Variants in ZNF300 observed in about 807,000 individuals in gnomAD.
The protein encoded by ZNF300 is zinc finger protein 300.
In ZNF300, 6 loss-of-function variants were observed where a neutral mutation model predicts 13.9. That is an observed-to-expected ratio of 0.43 (90% CI 0.24 to 0.85). ZNF300 has a LOEUF of 0.85. ZNF300 is among the 40% of genes least tolerant of loss of function. The pLI is 0.25. For missense variants in ZNF300, 662 were observed against 714.2 expected, an observed-to-expected ratio of 0.93 and a Z score of 0.83; for synonymous variants, 237 against 242.2, an observed-to-expected ratio of 0.98 and a Z score of 0.20.
At chr5:150,900,936 A>G (rs903604482) in intron 3 of ZNF300, among the ~76,000 whole-genome samples, 2 of 152,104 alleles carry the variant, frequency 1.3e-5, no homozygotes, top group African/African-American at 4.8e-5. Flanking sequence ...AATTTTGAGG[A>G]AAATATAGTA....
In ZNF300 at chr5:150,896,947, G is replaced by T. The variant is rs1754812334; in HGVS notation, c.292C>A (p.Gln98Lys). ...QDRKSNLHNS[Q>K]SCILGTVSFH... is the part of the protein sequence containing the mutation. ...GAAACTGTCCCCAAAATACATGACT[G>T]GGAGTTGTGAAGGTTACTCTTCCTG... is the stretch of plus-strand genomic sequence containing the variant. Residue 98 changes from glutamine to lysine, a missense_variant, in exon 6 of 6, where the codon CAG (glutamine) becomes AAG (lysine). Physicochemically the swap from Gln to Lys is moderately conservative, Grantham distance 53. Transcript: ENST00000274599. The T allele has an allele frequency of 1.9e-6, 3 of 1,612,010 alleles. No homozygotes were observed. In the African/African-American group the frequency reaches 4.0e-5, roughly 22 times the overall value.
At chr5:150,902,861 T>G (rs78514223) in intron 3 of ZNF300, among the ~76,000 whole-genome samples, 1 of 152,308 alleles carries the variant, frequency 6.6e-6, no homozygotes, top group Middle Eastern at 3.4e-3. Flanking sequence ...CTTATATGGC[T>G]AGAAACATTT....
At chr5:150,898,956 G>T (rs1754898272) in intron 3 of ZNF300, among the ~76,000 whole-genome samples, 1 of 152,018 alleles carries the variant, frequency 6.6e-6, no homozygotes, top group Non-Finnish European at 1.5e-5. Flanking sequence ...TGGAAACAGG[G>T]TCATTGCAGA....
Position 150,896,768 on chromosome 5 carries a change from A to G in ZNF300, c.471T>C (p.Thr157=), listed in dbSNP as rs112939441. ...QVTFVNSKTV[T]EASGHKYNPL... is the part of the protein sequence containing the mutation. ...GATTATATTTATGCCCTGATGCCTC[A>G]GTCACTGTTTTGCTGTTAACAAATG... The change falls in exon 6 of 6, where the codon ACT becomes ACC. Residue 157 remains threonine, a synonymous_variant. Coordinates refer to ENST00000274599, the MANE Select transcript of ZNF300 (RefSeq NM_052860.4). 1 of 1,613,830 alleles carries G rather than the reference A, an allele frequency of 6.2e-7. No homozygotes were observed.
intron 3 of ZNF300, among the ~76,000 whole-genome samples, chr5:150,901,999 T>C (rs1329623186): frequency 6.6e-6 from 1 of 152,172 alleles, no homozygotes; most frequent in African/African-American, 2.4e-5. Flanking sequence ...ACATTTGTAC[T>C]TCTACATATA....
rs143725595 is a variant in ZNF300 at position 150,896,549 on chromosome 5, A to G, written c.690T>C (p.Asn230=). 2.1e-4 allele frequency: 340 copies of G among 1,613,720 alleles called. 3 individuals are homozygous for G. The African/African-American group carries it at 3.9e-3, about 19-fold the overall frequency. ...KSSSQSEPNS[N]LEKIHNGVIP... is the part of the protein sequence containing the mutation. Reference sequence around the variant, plus strand: ...TTACTCCATTGTGAATCTTCTCAAGATTAGAATTGGGCTCACTCTGGCTAG... The same window carrying G: ...TTACTCCATTGTGAATCTTCTCAAGGTTAGAATTGGGCTCACTCTGGCTAG... Residue 230 remains asparagine (N), a synonymous_variant, in exon 6 of 6, where the codon AAT becomes AAC. Transcript: ENST00000274599.
At position 150,896,709 on chromosome 5, in the gene ZNF300, G is replaced by T. The variant is rs756148825; in HGVS notation, c.530C>A (p.Thr177Lys). Residue 177 changes from threonine to lysine, a missense_variant, in exon 6 of 6, where the codon ACA (threonine) becomes AAA (lysine). By Grantham distance (78) the Thr-to-Lys change is moderately conservative. Coordinates refer to ENST00000274599, the MANE Select transcript of ZNF300 (RefSeq NM_052860.4). ...LGKIFQECIETDISIQRFHKY... is the reference protein window; with the variant it reads ...LGKIFQECIEKDISIQRFHKY... Reference sequence around the variant, plus strand: ...ATGGAATCTCTGTATTGATATATCTGTTTCTATGCACTCTTGAAATATTTT... The same window carrying T: ...ATGGAATCTCTGTATTGATATATCTTTTTCTATGCACTCTTGAAATATTTT... 2 of 1,613,376 alleles carry T rather than the reference G, an allele frequency of 1.2e-6. No individual in the cohort carries two copies.
rs767774099 is a variant in ZNF300, at chr5:150,896,827, G to A, written c.412C>T (p.Leu138=). Residue 138 remains leucine (L), a synonymous_variant, in exon 6 of 6, where the codon CTA becomes TTA. Transcript: ENST00000274599. ...CTGAAGAGTTTGTCTTGATTCTCTA[G>A]AAATCTCTGCAGCTGACCATCACCT... ...CQGDGQLQRF[L]ENQDKLFRQV... 2 of 1,613,650 alleles carry A rather than the reference G, an allele frequency of 1.2e-6. No homozygotes were observed. The highest frequency in any genetic ancestry group is 2.2e-5 in the South Asian group (2 of 91,074).
chr5:150,895,783 T>TTC lies in ZNF300; in HGVS notation c.1454_1455dup (p.Thr486GlufsTer108), dbSNP rs1371025742. The TTC allele has an allele frequency of 6.2e-7, 1 of 1,613,596 alleles. No individual in the cohort carries two copies. The highest frequency in any genetic ancestry group is 8.5e-7 in the Non-Finnish European group (1 of 1,179,810). On this transcript the variant is annotated frameshift_variant, in exon 6 of 6. Coordinates refer to ENST00000274599, the MANE Select transcript of ZNF300 (RefSeq NM_052860.4). LOFTEE classifies it low-confidence loss of function (END_TRUNC). Reference sequence around the variant, plus strand: ...TTATAGGGTTTTTCTCCAGTATGTGTTCTCTGATGTATGATGAGCTGTGAC... The same window carrying TTC: ...TTATAGGGTTTTTCTCCAGTATGTGTTCTCTCTGATGTATGATGAGCTGTGAC...
chr5:150,897,488 C>T, intron 5 of ZNF300: 1 of 155,250 alleles, frequency 6.4e-6, no homozygotes, highest in Non-Finnish European at 1.4e-5. Flanking sequence ...AATTCCACTA[C>T]TCCCAATAAA....
chr5:150,897,582 A>G (rs1330664770), intron 5 of ZNF300: 1 of 158,350 alleles, frequency 6.3e-6, no homozygotes, highest in Non-Finnish European at 1.4e-5. Context: ...TTGTTCATAT[A>G]CTCTCTCTCC....
At chr5:150,897,818 G>A (rs1034873550) in intron 5 of ZNF300, 2 of 420,740 alleles carry the variant, frequency 4.8e-6, no homozygotes, top group Non-Finnish European at 8.3e-6. Flanking sequence ...GTTCTTGAAA[G>A]GAATTTGCCT....
Position 150,895,550 on chromosome 5 carries a change from G to C in ZNF300, c.1689C>G (p.Asp563Glu), listed in dbSNP as rs764334253. Residue 563 changes from aspartate to glutamate, a missense_variant, in exon 6 of 6, where the codon GAC becomes GAG. Coordinates refer to ENST00000274599, the MANE Select transcript of ZNF300 (RefSeq NM_052860.4). ...ECGKAFSQKS[D>E]LVLHQRIHTG... The stretch of plus-strand genomic sequence containing the variant: ...TATGAATCCTCTGATGTAAAACAAG[G>C]TCTGACTTCTGAGAAAAGGCCTTTC... 6.8e-6 allele frequency: 11 copies of C among 1,613,480 alleles called. No homozygotes were observed. In the South Asian group the frequency reaches 1.2e-4, roughly 18 times the overall value.
In ZNF300 at chr5:150,895,222, A is replaced by G; in HGVS notation, c.*202T>C. 2.0e-6 allele frequency: 1 copy of G among 491,374 alleles called. No homozygotes were observed. The highest frequency in any genetic ancestry group is 3.1e-5 in the East Asian group (1 of 32,522). The allele number at this position is 491,374 out of a possible 1,614,324, so 30.4% of individuals were successfully genotyped here. A position where few individuals can be genotyped will look rare whatever the true frequency, so the allele number is the denominator to read the frequency against. On this transcript the variant is annotated 3_prime_UTR_variant, in exon 6 of 6. Transcript: ENST00000274599. Reference sequence around the variant, plus strand: ...GAGTTCATAACTTTAAAAGCTTTACATGCCATATTAAAAATGTTCTTCATT... The same window carrying G: ...GAGTTCATAACTTTAAAAGCTTTACGTGCCATATTAAAAATGTTCTTCATT...
chr5:150,903,056 A>C, intron 3 of ZNF300, 85 bp downstream of exon 3: 2 of 1,392,140 alleles, frequency 1.4e-6, no homozygotes, highest in Non-Finnish European at 2.0e-6. Flanking sequence ...CTTTTCCTTC[A>C]TCCAGATTTT....
At chr5:150,897,026 G>A (rs970251157) in intron 5 of ZNF300, 53 bp from the exon 6 acceptor site, 3 of 1,407,088 alleles carry the variant, frequency 2.1e-6, no homozygotes, top group African/African-American at 2.9e-5. Context: ...CAATTAAGAG[G>A]GTAAAGAAGT....
At chr5:150,898,032 TA>T (rs1346699433) in intron 5 of ZNF300, 29 bp downstream of exon 5, 1 of 1,599,766 alleles carries the variant, frequency 6.3e-7, no homozygotes, top group South Asian at 1.1e-5. Flanking sequence ...ACCAATCAAT[TA>T]AAAAAACATA....
In ZNF300 at chr5:150,896,392, G is replaced by C. The variant is rs1234579570; in HGVS notation, c.847C>G (p.Gln283Glu). 6.2e-7 allele frequency: 1 copy of C among 1,613,636 alleles called. No individual in the cohort carries two copies. Among genetic ancestry groups the C allele is most frequent in the Non-Finnish European group, 8.5e-7 (1 of 1,179,824 alleles). Residue 283 changes from glutamine (Q) to glutamate (E), a missense_variant, in exon 6 of 6, where the codon CAA (glutamine) becomes GAA (glutamate). Transcript: ENST00000274599. ...TGAATTCTTTGATGTACAATGAGTT[G>C]TGACTTCTTAGCAAAGGCTTTTCCA... ...TCGKAFAKKSQLIVHQRIHTG... is the reference protein window; with the variant it reads ...TCGKAFAKKSELIVHQRIHTG...
At chr5:150,901,623 T>C (rs1470349731) in intron 3 of ZNF300, among the ~76,000 whole-genome samples, 5 of 152,122 alleles carry the variant, frequency 3.3e-5, no homozygotes, top group Admixed American at 3.3e-4. Context: ...TTTCAAGATT[T>C]CACAACGATA....
Sources: gnomAD v4.1 joint callset for allele counts (sites outside exome capture counted in the v4.1 genomes callset) on GRCh38, gnomAD v4.1.1 for gene constraint, MANE v1.5 for transcripts, NCBI Gene and HGNC (gene_info 2026-07-23, HGNC 2026-07-21) for gene names.